The following ATAD2B variants were observed in gnomAD, a reference collection of about 807,000 sequenced individuals.
ATAD2B encodes the protein ATPase family AAA domain containing 2B.
Under a neutral mutation model 167.6 loss-of-function variants are expected in ATAD2B, and 40 were observed. The observed-to-expected ratio is 0.24, with a 90% confidence interval of 0.19 to 0.31. The LOEUF (loss-of-function observed/expected upper bound fraction) is 0.31. Among genes scored for constraint, ATAD2B ranks in the 10% least tolerant of loss-of-function variants. The pLI is 1.00. For synonymous variants in ATAD2B, 579 were observed against 596.5 expected, an observed-to-expected ratio of 0.97 and a Z score of 0.43; for missense variants, 1,242 against 1,757.2, an observed-to-expected ratio of 0.71 and a Z score of 5.24.
At chr2:23,819,625 T>TCCA (rs1237558680) in intron 17 of ATAD2B, 122 bp downstream of exon 17, 4 of 773,434 alleles carry the variant, frequency 5.2e-6, no homozygotes, top group Non-Finnish European at 7.3e-6. Flanking sequence ...CAGAATTGTG[T>TCCA]CCAAACAACA....
At chr2:23,760,493 T>G (rs769650694) in intron 24 of ATAD2B, among the ~76,000 whole-genome samples, 1 of 151,584 alleles carries the variant, frequency 6.6e-6, no homozygotes, top group Admixed American at 6.6e-5. Context: ...AAACCCCATC[T>G]CTACTAAAAA....
chr2:23,788,484 AT>A, intron 20 of ATAD2B, 27 bp downstream of exon 20: 4 of 1,606,198 alleles, frequency 2.5e-6, no homozygotes, highest in Non-Finnish European at 3.4e-6. Flanking sequence ...CATCCCTCCC[AT>A]TTTCCTAAAG....
the ATAD2B span, chr2:23,693,260 C>T: frequency 7.4e-5 from 114 of 1,539,218 alleles, no homozygotes; most frequent in African/African-American, 1.3e-3. Context: ...CCTGCGCTGT[C>T]GCCCCCAGAG....
At chr2:23,753,940 T>C (rs1017570832) in intron 27 of ATAD2B, among the ~76,000 whole-genome samples, 2 of 152,094 alleles carry the variant, frequency 1.3e-5, no homozygotes, top group Admixed American at 1.3e-4. Context: ...GAACCATGGA[T>C]TTCTGTGTTT....
At chr2:23,893,378 T>C (rs1478320055) in intron 2 of ATAD2B, among the ~76,000 whole-genome samples, 1 of 152,120 alleles carries the variant, frequency 6.6e-6, no homozygotes. Context: ...TAAGTTTACC[T>C]TAGATGCTCA....
chr2:23,692,440 C>A, the ATAD2B span, among the ~76,000 whole-genome samples: 3 of 152,214 alleles, frequency 2.0e-5, no homozygotes, highest in Non-Finnish European at 4.4e-5. Flanking sequence ...TGGGCGACGG[C>A]AAGGTGAGGG....
chr2:23,891,842 C>T (rs1178738190), intron 2 of ATAD2B, among the ~76,000 whole-genome samples: 2 of 151,928 alleles, frequency 1.3e-5, no homozygotes, highest in South Asian at 4.2e-4. Context: ...TTTCACTTTG[C>T]ATTAGGTGAT....
At chr2:23,805,806 A>AAAAAAAC (rs1553396417) in intron 18 of ATAD2B, among the ~76,000 whole-genome samples, 62,812 of 145,634 alleles carry the variant, frequency 0.43, 14,520 homozygotes, top group East Asian at 0.7. Context: ...AAAAAAAAAA[A>AAAAAAAC]AACAAATCTG....
At chr2:23,920,099 C>T (rs897157318) in intron 1 of ATAD2B, among the ~76,000 whole-genome samples, 2 of 148,168 alleles carry the variant, frequency 1.3e-5, no homozygotes, top group Non-Finnish European at 3.0e-5. Context: ...TGCAGTGAGG[C>T]GACATGGAGC....
chr2:23,866,176 C>T (rs529926511), intron 10 of ATAD2B, among the ~76,000 whole-genome samples: 6 of 152,124 alleles, frequency 3.9e-5, no homozygotes, highest in East Asian at 1.9e-4. Context: ...GAGGCCAAGG[C>T]GGGAGGATCA....
At chr2:23,752,483 ATTTAT>A (rs908712866) in intron 27 of ATAD2B, among the ~76,000 whole-genome samples, 1 of 149,778 alleles carries the variant, frequency 6.7e-6, no homozygotes, top group African/African-American at 2.4e-5. Context: ...AAATATTTAT[ATTTAT>A]ATGTATGCAT....
intron 22 of ATAD2B, among the ~76,000 whole-genome samples, chr2:23,767,897 C>CA (rs912743458): frequency 1.4e-5 from 2 of 139,128 alleles, no homozygotes; most frequent in Admixed American, 7.1e-5. Flanking sequence ...CAAAAACAAA[C>CA]AAAAAACAAA....
In ATAD2B at chr2:23,828,891, A is replaced by G. The variant is rs1688629175; in HGVS notation, c.1777T>C (p.Leu593=). Residue 593 remains leucine, a synonymous_variant, in exon 15 of 28, where the codon TTG becomes CTG. Transcript: ENST00000238789. ...AATTCACCTAAAAATGCATCTGACA[A>G]TTTTGGATTCCAGTCCCTGGTATGG... The part of the protein sequence containing the change: ...QIHTRDWNPK[L]SDAFLGELAE... 6.2e-7 allele frequency: 1 copy of G among 1,610,928 alleles called. No homozygotes were observed.
the ATAD2B span, chr2:23,696,285 G>C: frequency 1.3e-6 from 2 of 1,534,330 alleles, no homozygotes; most frequent in Non-Finnish European, 1.8e-6. The surrounding 1 kb of genome is among the most constrained non-coding windows in gnomAD (Gnocchi z 5.5). Flanking sequence ...CTGACCCCAG[G>C]CCCCTCCTCA....
chr2:23,872,491 T>A, intron 8 of ATAD2B: 8 of 761,906 alleles, frequency 1.0e-5, no homozygotes. Flanking sequence ...TTTTACCAGG[T>A]GAGCTATTTC....
chr2:23,723,362 G>A, the ATAD2B span, among the ~76,000 whole-genome samples: 1 of 148,886 alleles, frequency 6.7e-6, no homozygotes, highest in Non-Finnish European at 1.5e-5. Flanking sequence ...GGGGATGGGA[G>A]GGGAGGGGAA....
chr2:23,725,643 A>G, the ATAD2B span, among the ~76,000 whole-genome samples: 1 of 152,248 alleles, frequency 6.6e-6, no homozygotes, highest in African/African-American at 2.4e-5. Context: ...GAAGAAATAC[A>G]GTCAAGAAGC....
At chr2:23,756,275 G>GT (rs1675942853) in intron 25 of ATAD2B, among the ~76,000 whole-genome samples, 1 of 152,002 alleles carries the variant, frequency 6.6e-6, no homozygotes, top group African/African-American at 2.4e-5. Context: ...TAAGACAAAT[G>GT]TTTAACAGGT....
At chr2:23,703,909 G>C in the ATAD2B span, 1 of 1,508,830 alleles carries the variant, frequency 6.6e-7, no homozygotes, top group Non-Finnish European at 8.8e-7. Flanking sequence ...GGAGGAGTGG[G>C]AGGAGGAGGG....
Sources: allele counts gnomAD v4.1 joint callset (sites outside exome capture counted in the v4.1 genomes callset), GRCh38; gene constraint gnomAD v4.1.1; non-coding constraint Gnocchi (gnomAD v3.1); transcripts MANE v1.5; gene names NCBI Gene and HGNC (gene_info 2026-07-23, HGNC 2026-07-21).